Variants in LRP1B observed in about 807,000 individuals in gnomAD.
LRP1B encodes LDL receptor related protein 1B.
LRP1B carries 217 observed loss-of-function variants against 556.6 expected under a neutral mutation model. That is an observed-to-expected ratio of 0.39 (90% CI 0.35 to 0.44). The LOEUF is 0.44. Ranked by LOEUF, LRP1B falls within the 20% of genes least tolerant of loss-of-function variation. The pLI, the probability that LRP1B is intolerant of heterozygous loss-of-function variation, is 1.00. For missense variants in LRP1B, 5,053 were observed against 5,620.8 expected (o/e 0.90, Z 3.23); for synonymous variants, 2,047 against 1,865.8 (o/e 1.10, Z -2.50).
chr2:141,391,006 A>G (rs913668563), intron 3 of LRP1B, among the ~76,000 whole-genome samples: 1 of 152,234 alleles, frequency 6.6e-6, no homozygotes, highest in African/African-American at 2.4e-5. Flanking sequence ...GGTCAGAAGG[A>G]GAAATCCTTA....
intron 2 of LRP1B, among the ~76,000 whole-genome samples, chr2:141,532,701 A>G (rs1367066935): frequency 6.6e-6 from 1 of 152,056 alleles, no homozygotes; most frequent in East Asian, 1.9e-4. Flanking sequence ...AAAAAACATT[A>G]TAGGCTGGGT....
intron 86 of LRP1B, among the ~76,000 whole-genome samples, chr2:140,264,191 G>A (rs748193643): frequency 5.9e-5 from 9 of 151,924 alleles, no homozygotes; most frequent in Non-Finnish European, 1.2e-4. Context: ...GATTGGATTC[G>A]GGATCACCAT....
chr2:140,650,017 T>G (rs1040043213), intron 41 of LRP1B, among the ~76,000 whole-genome samples: 1 of 152,186 alleles, frequency 6.6e-6, no homozygotes, highest in African/African-American at 2.4e-5. Context: ...AAATTTTCTC[T>G]ATTTTGAGAA....
intron 9 of LRP1B, 96 bp from the exon 10 acceptor site, chr2:141,055,355 G>A (rs1464504336): frequency 1.5e-6 from 2 of 1,317,972 alleles, no homozygotes; most frequent in Non-Finnish European, 2.1e-6. Context: ...TGTAAAAACA[G>A]GGAATCTTAG....
chr2:141,822,870 T>C (rs1192823219), intron 1 of LRP1B, among the ~76,000 whole-genome samples: 1 of 151,958 alleles, frequency 6.6e-6, no homozygotes, highest in Non-Finnish European at 1.5e-5. Flanking sequence ...TGGGCAAAAA[T>C]AGAAATACTT....
At chr2:140,965,889 C>T (rs1301083933) in intron 18 of LRP1B, among the ~76,000 whole-genome samples, 9 of 150,612 alleles carry the variant, frequency 6.0e-5, no homozygotes, top group Non-Finnish European at 1.0e-4. Context: ...TGAACTCATC[C>T]TTTTTTTATG....
At chr2:142,099,502 G>A (rs1008486255) in intron 1 of LRP1B, among the ~76,000 whole-genome samples, 2 of 151,870 alleles carry the variant, frequency 1.3e-5, no homozygotes, top group African/African-American at 4.8e-5. Context: ...GATAATTTAT[G>A]ATAAGAAAGG....
In LRP1B at chr2:140,492,651, C is replaced by G. The variant is rs1269109425; in HGVS notation, c.9077G>C (p.Arg3026Thr). Residue 3026 changes from arginine to threonine, a missense_variant, in exon 57 of 91, where the codon AGG becomes ACG. Transcript: ENST00000389484. ...FLILADHHEIRKISTDGSNYT... is the reference protein window; with the variant it reads ...FLILADHHEITKISTDGSNYT... ...GTTGGAGCCATCAGTGCTAATTTTC[C>G]TTATCTCATGATGATCAGCAAGAAT... 3 of 1,613,658 alleles carry G rather than the reference C, an allele frequency of 1.9e-6. No individual in the cohort carries two copies. The highest frequency in any genetic ancestry group is 2.5e-6 in the Non-Finnish European group (3 of 1,179,682).
intron 35 of LRP1B, among the ~76,000 whole-genome samples, chr2:140,754,769 G>GAA (rs35390789): frequency 9.8e-5 from 14 of 142,546 alleles, no homozygotes; most frequent in African/African-American, 1.5e-4. Context: ...TTAAGAACTA[G>GAA]AAAAAAAAAA....
At position 140,991,148 on chromosome 2, in the gene LRP1B, G is replaced by A. The variant is rs1366370926; in HGVS notation, c.2645-1491C>T. On this transcript the variant is annotated intron_variant, in intron 16 of 90. Coordinates refer to ENST00000389484, the MANE Select transcript of LRP1B (RefSeq NM_018557.3). ...AGGGACTTTAGCAAGAATAAATGCC[G>A]AGAGAAATATAAGTCATCTGATGTA... 5.9e-5 allele frequency among the ~76,000 whole-genome samples: 9 copies of A among 152,210 alleles called. No individual in the cohort carries two copies. In the South Asian group the frequency reaches 1.0e-3, roughly 18 times the overall value.
chr2:141,902,624 T>C (rs373346308), intron 1 of LRP1B, among the ~76,000 whole-genome samples: 18 of 152,166 alleles, frequency 1.2e-4, no homozygotes, highest in African/African-American at 3.1e-4. Context: ...TGAAGGAACA[T>C]ATAGCACATT....
chr2:141,026,134 G>A (rs762142716), intron 11 of LRP1B, among the ~76,000 whole-genome samples: 20 of 151,894 alleles, frequency 1.3e-4, no homozygotes, highest in Non-Finnish European at 2.2e-4. Context: ...ACCTATTCTC[G>A]AATATTCATT....
At chr2:141,339,194 C>G (rs777204539) in intron 3 of LRP1B, among the ~76,000 whole-genome samples, 1 of 137,056 alleles carries the variant, frequency 7.3e-6, no homozygotes, top group Non-Finnish European at 1.6e-5. Flanking sequence ...TTGTTTTACT[C>G]TACATTTTAT....
At chr2:140,322,215 G>A in intron 81 of LRP1B, 127 bp from the exon 82 acceptor site, 2 of 860,480 alleles carry the variant, frequency 2.3e-6, no homozygotes, top group Non-Finnish European at 1.8e-6. Context: ...AATTTCCACT[G>A]ATGTGGAGTA....
intron 67 of LRP1B, among the ~76,000 whole-genome samples, chr2:140,385,657 T>A (rs1436902710): frequency 6.6e-6 from 1 of 152,226 alleles, no homozygotes; most frequent in African/African-American, 2.4e-5. Context: ...AACCTCATGA[T>A]ACTTTCATAC....
intron 84 of LRP1B, among the ~76,000 whole-genome samples, chr2:140,276,032 C>CA (rs1027960040): frequency 6.6e-6 from 1 of 151,722 alleles, no homozygotes; most frequent in Admixed American, 6.6e-5. Flanking sequence ...TGATCCTATG[C>CA]AAAATAATTG....
chr2:141,154,615 T>G (rs1702019658), intron 7 of LRP1B, among the ~76,000 whole-genome samples: 1 of 151,866 alleles, frequency 6.6e-6, no homozygotes, highest in African/African-American at 2.4e-5. Flanking sequence ...TAAAAGCTTA[T>G]TTTATCAGAA....
At chr2:141,692,335 A>G (rs1458341716) in intron 2 of LRP1B, among the ~76,000 whole-genome samples, 3 of 152,014 alleles carry the variant, frequency 2.0e-5, no homozygotes, top group Non-Finnish European at 4.4e-5. Context: ...GTTTTACTCT[A>G]AAATTCAAGT....
intron 1 of LRP1B, among the ~76,000 whole-genome samples, chr2:141,948,547 A>G (rs1389568424): frequency 6.6e-6 from 1 of 152,050 alleles, no homozygotes; most frequent in African/African-American, 2.4e-5. Flanking sequence ...TAGTCAATGA[A>G]GAAACACTCT....
Sources: gnomAD v4.1 joint callset for allele counts (sites outside exome capture counted in the v4.1 genomes callset) on GRCh38, gnomAD v4.1.1 for gene constraint, MANE v1.5 for transcripts, NCBI Gene and HGNC (gene_info 2026-07-23, HGNC 2026-07-21) for gene names.